Variants in KIF26B observed in about 807,000 individuals in gnomAD.
The protein encoded by KIF26B is kinesin family member 26B.
Under a neutral mutation model 151.2 loss-of-function variants are expected in KIF26B, and 63 were observed. The ratio of observed to expected loss-of-function variants is 0.42; its 90% CI spans 0.34 to 0.51. KIF26B has a LOEUF of 0.51. Among genes scored for constraint, KIF26B ranks in the 20% least tolerant of loss-of-function variants. The pLI is 0.07. For missense variants in KIF26B, 2,813 were observed against 2,913.6 expected (o/e 0.97, Z 0.79); for synonymous variants, 1,357 against 1,262.1 (o/e 1.08, Z -1.59).
At chr1:245,225,172 C>G (rs1669849550) in intron 2 of KIF26B, among the ~76,000 whole-genome samples, 1 of 152,158 alleles carries the variant, frequency 6.6e-6, no homozygotes. Context: ...AAAAGCAAAG[C>G]TGGGGACTGA....
chr1:245,161,781 A>G (rs1410323244), intron 2 of KIF26B, among the ~76,000 whole-genome samples: 6 of 152,198 alleles, frequency 3.9e-5, no homozygotes, highest in Non-Finnish European at 8.8e-5. Flanking sequence ...ATCCAATCAC[A>G]CTTTCCCCTA....
In KIF26B at chr1:245,509,484, G is replaced by A. The variant is rs568308112; in HGVS notation, c.1167-31283G>A. ...ATTCTGACCATTCACCTTCAGTTTC[G>A]TTTCCACTCTCCTATCCTCCATAAA... is the stretch of plus-strand genomic sequence containing the variant. On this transcript the variant is annotated intron_variant, in intron 4 of 14. Coordinates refer to ENST00000407071, the MANE Select transcript of KIF26B (RefSeq NM_018012.4). Among the ~76,000 whole-genome samples the A allele has an allele frequency of 4.6e-5, 7 of 152,206 alleles. No homozygotes were observed. The South Asian group carries it at 8.3e-4, about 18-fold the overall frequency.
intron 2 of KIF26B, among the ~76,000 whole-genome samples, chr1:245,282,386 C>T (rs1463891227): frequency 3.3e-5 from 5 of 152,162 alleles, no homozygotes; most frequent in Non-Finnish European, 7.3e-5. Context: ...CTCGTAAAGC[C>T]CAGTCTCTTA....
At chr1:245,223,458 G>T (rs1421940668) in intron 2 of KIF26B, among the ~76,000 whole-genome samples, 1 of 152,190 alleles carries the variant, frequency 6.6e-6, no homozygotes, top group African/African-American at 2.4e-5. Flanking sequence ...TCAGGACAGA[G>T]GACCTTACCA....
At chr1:245,323,812 G>C (rs185292748) in intron 2 of KIF26B, among the ~76,000 whole-genome samples, 1 of 152,218 alleles carries the variant, frequency 6.6e-6, no homozygotes. Context: ...CCAGCTGTAC[G>C]GGAATAAACA....
intron 3 of KIF26B, among the ~76,000 whole-genome samples, chr1:245,398,914 A>G (rs1471693729): frequency 6.6e-6 from 1 of 152,182 alleles, no homozygotes; most frequent in Non-Finnish European, 1.5e-5. Flanking sequence ...ATTTGTGAGT[A>G]AGATGCGTAT....
Position 245,686,822 on chromosome 1 carries a change from C to A in KIF26B, c.3839C>A (p.Ser1280Tyr). 6.2e-7 allele frequency: 1 copy of A among 1,613,606 alleles called. No individual in the cohort carries two copies. The highest frequency in any genetic ancestry group is 8.5e-7 in the Non-Finnish European group (1 of 1,179,842). Residue 1280 changes from serine (S) to tyrosine (Y), a missense_variant, in exon 12 of 15, where the codon TCC (serine) becomes TAC (tyrosine). This residue lies in a region of KIF26B where 2,060 missense variants were observed against 2,088.6 expected (regional missense o/e 0.99). Transcript: ENST00000407071. This position sits in a 1 kb window ranked among gnomAD's most constrained non-coding sequence, Gnocchi z 5.6. ...DAGSRRSSIS[S>Y]WLSEMSAGSE... ...GGGAGCAGACGCTCTTCCATCAGCT[C>A]CTGGCTGAGCGAGATGAGCGCGGGC...
rs1169306882 is a variant in KIF26B at position 245,227,092 on chromosome 1, G to A, written c.465+70409G>A. ...CCCTAGCACGGGCCAGTCCTATGTC[G>A]TTTTTTGGCATTTTTGAGGAACAGC... On this transcript the variant is annotated intron_variant, in intron 2 of 14. Transcript: ENST00000407071. This position sits in a 1 kb window ranked among gnomAD's most constrained non-coding sequence, Gnocchi z 4.1. Among the ~76,000 whole-genome samples, 3 of 152,078 alleles carry A rather than the reference G, an allele frequency of 2.0e-5. No homozygotes were observed. Among genetic ancestry groups the A allele is most frequent in the African/African-American group, 7.2e-5 (3 of 41,404 alleles).
chr1:245,180,719 TGGTGGGGGTAGG>T (rs960205302), intron 2 of KIF26B, among the ~76,000 whole-genome samples: 6 of 150,646 alleles, frequency 4.0e-5, no homozygotes, highest in Non-Finnish European at 7.4e-5. Context: ...GAAATGGTGG[TGGTGGGGGTAGG>T]GGTGGGGGAA....
Position 245,512,608 on chromosome 1 carries a change from C to T in KIF26B, c.1167-28159C>T, listed in dbSNP as rs778658057. Reference sequence around the variant, plus strand: ...CCTAAACCCAAATGAAATCCCCAAACTCCACTCGGATTCCTGCTGGCCAAA... The same window carrying T: ...CCTAAACCCAAATGAAATCCCCAAATTCCACTCGGATTCCTGCTGGCCAAA... On this transcript the variant is annotated intron_variant, in intron 4 of 14. Coordinates refer to ENST00000407071, the MANE Select transcript of KIF26B (RefSeq NM_018012.4). The surrounding 1 kb of genome is among the most constrained non-coding windows in gnomAD (Gnocchi z 4.3). Among the ~76,000 whole-genome samples the T allele has an allele frequency of 2.6e-5, 4 of 152,196 alleles. No homozygotes were observed. The highest frequency in any genetic ancestry group is 5.9e-5 in the Non-Finnish European group (4 of 68,026).
At chr1:245,480,795 AAGAG>A (rs1395369375) in intron 4 of KIF26B, among the ~76,000 whole-genome samples, 8 of 143,076 alleles carry the variant, frequency 5.6e-5, no homozygotes, top group East Asian at 2.0e-4. Context: ...AAAAAAAAAA[AAGAG>A]AGAGAGAAAT....
At chr1:245,673,359 TC>T (rs2044318056) in intron 10 of KIF26B, among the ~76,000 whole-genome samples, 4 of 111,088 alleles carry the variant, frequency 3.6e-5, no homozygotes, top group African/African-American at 3.7e-5. Flanking sequence ...CGCGCTGCCA[TC>T]TTAGGCCCAG....
rs2042941009 is a variant in KIF26B, at chr1:245,560,924, A to G, written c.1350+19974A>G. On this transcript the variant is annotated intron_variant, in intron 5 of 14. Transcript: ENST00000407071. This position sits in a 1 kb window ranked among gnomAD's most constrained non-coding sequence, Gnocchi z 4.3. ...TGCAGCCCCTAAGGGGAGCCGTGCT[A>G]AGGTGTGATACAGGCCATGCCCCTT... Among the ~76,000 whole-genome samples the G allele has an allele frequency of 2.0e-5, 3 of 152,160 alleles. No individual in the cohort carries two copies. Among genetic ancestry groups the G allele is most frequent in the South Asian group, 4.1e-4 (2 of 4,826 alleles).
chr1:245,400,049 G>T (rs1211322549), intron 3 of KIF26B, among the ~76,000 whole-genome samples: 4 of 152,280 alleles, frequency 2.6e-5, no homozygotes, highest in Admixed American at 2.6e-4. Context: ...AATGGTGAAA[G>T]ACTGAGAGAA....
chr1:245,421,381 C>A (rs1003776773), intron 4 of KIF26B, among the ~76,000 whole-genome samples: 1 of 152,160 alleles, frequency 6.6e-6, no homozygotes, highest in African/African-American at 2.4e-5. Flanking sequence ...TTGGTTCGTT[C>A]TGTAGAGCAA....
chr1:245,611,514 C>T (rs1462939291), intron 8 of KIF26B, among the ~76,000 whole-genome samples: 1 of 152,228 alleles, frequency 6.6e-6, no homozygotes, highest in Non-Finnish European at 1.5e-5. Flanking sequence ...CAGCTTTTCA[C>T]ACCCACTAGT....
intron 2 of KIF26B, among the ~76,000 whole-genome samples, chr1:245,258,028 A>C (rs1670571781): frequency 6.6e-6 from 1 of 151,980 alleles, no homozygotes; most frequent in Admixed American, 6.6e-5. Flanking sequence ...CTTAAAAAAA[A>C]AAAATGTTGC....
intron 2 of KIF26B, among the ~76,000 whole-genome samples, chr1:245,335,693 GAA>G (rs1672207923): frequency 6.7e-6 from 1 of 149,846 alleles, no homozygotes; most frequent in Non-Finnish European, 1.5e-5. Context: ...CCCACGCGGG[GAA>G]AGAAGGGTCC....
At chr1:245,462,756 C>G (rs1659678291) in intron 4 of KIF26B, among the ~76,000 whole-genome samples, 1 of 152,148 alleles carries the variant, frequency 6.6e-6, no homozygotes, top group African/African-American at 2.4e-5. Flanking sequence ...CCAAAAGTTG[C>G]CAGAGCTGGG....
Sources: gnomAD v4.1 joint callset for allele counts (sites outside exome capture counted in the v4.1 genomes callset) on GRCh38, gnomAD v4.1.1 for gene constraint, gnomAD v4.1.1 regional missense constraint, Gnocchi (gnomAD v3.1) non-coding constraint, MANE v1.5 for transcripts, NCBI Gene and HGNC (gene_info 2026-07-23, HGNC 2026-07-21) for gene names.